The following NAA11 variants were observed in gnomAD, a reference collection of about 807,000 sequenced individuals.
The protein encoded by NAA11 is N-alpha-acetyltransferase 11, NatA catalytic subunit.
NAA11 carries 15 observed loss-of-function variants against 16.1 expected under a neutral mutation model. That is an observed-to-expected ratio of 0.93 (90% CI 0.62 to 1.44). NAA11 has a LOEUF of 1.44. NAA11 is among the 40% of genes most tolerant of loss of function. The pLI is 0.00. For synonymous variants in NAA11, 122 were observed against 112.4 expected (o/e 1.09, Z -0.54); for missense variants, 298 against 291.3 (o/e 1.02, Z -0.17).
the NAA11 span, among the ~76,000 whole-genome samples, chr4:79,178,487 A>G: frequency 6.6e-6 from 1 of 152,218 alleles, no homozygotes; most frequent in African/African-American, 2.4e-5. Context: ...CTTTGGAGAT[A>G]TATATTAGGA....
chr4:79,219,231 T>G, the NAA11 span, among the ~76,000 whole-genome samples: 3 of 152,174 alleles, frequency 2.0e-5, no homozygotes, highest in Non-Finnish European at 4.4e-5. Flanking sequence ...CTTGGTCGAT[T>G]GGATGAGGGT....
intron 1 of NAA11, among the ~76,000 whole-genome samples, chr4:79,324,561 AC>A (rs1316869415): frequency 6.6e-6 from 1 of 152,218 alleles, no homozygotes; most frequent in Non-Finnish European, 1.5e-5. Flanking sequence ...GTATAGTTTA[AC>A]AAGTCCCTCT....
chr4:79,322,621 T>C (rs2110018206), intron 1 of NAA11, among the ~76,000 whole-genome samples: 1 of 152,264 alleles, frequency 6.6e-6, no homozygotes, highest in East Asian at 1.9e-4. Flanking sequence ...TGTAAGTCCT[T>C]CTACGAAGGA....
intron 2 of NAA11, among the ~76,000 whole-genome samples, chr4:79,263,375 A>G (rs1324665554): frequency 1.3e-5 from 2 of 152,180 alleles, no homozygotes; most frequent in African/African-American, 4.8e-5. Context: ...GACCTAGTGC[A>G]TGCTCAAGAA....
the NAA11 span, among the ~76,000 whole-genome samples, chr4:79,219,435 T>C: frequency 1.3e-5 from 2 of 152,198 alleles, no homozygotes; most frequent in East Asian, 3.8e-4. Flanking sequence ...TATTGGCTTA[T>C]AGAAAGCTGT....
chr4:79,312,521 C>G (rs1303147334), downstream of NAA11, among the ~76,000 whole-genome samples: 1 of 151,686 alleles, frequency 6.6e-6, no homozygotes, highest in Non-Finnish European at 1.5e-5. Context: ...CGTCGTGGCA[C>G]ATACCTGTAG....
chr4:79,263,762 A>G (rs1722286526), intron 2 of NAA11, among the ~76,000 whole-genome samples: 1 of 152,046 alleles, frequency 6.6e-6, no homozygotes, highest in African/African-American at 2.4e-5. Context: ...TAGTCAATTT[A>G]TACTCTCACT....
chr4:79,202,155 CAT>C, the NAA11 span, among the ~76,000 whole-genome samples: 1 of 151,496 alleles, frequency 6.6e-6, no homozygotes, highest in Non-Finnish European at 1.5e-5. Context: ...TTAGATTCTG[CAT>C]ATGAGTCAGA....
the NAA11 span, among the ~76,000 whole-genome samples, chr4:79,207,639 C>A: frequency 6.6e-6 from 1 of 152,090 alleles, no homozygotes; most frequent in East Asian, 1.9e-4. Context: ...GCAGCCTGAG[C>A]AGACTAATAC....
the NAA11 span, among the ~76,000 whole-genome samples, chr4:79,159,733 C>G: frequency 1.3e-5 from 2 of 151,298 alleles, no homozygotes; most frequent in African/African-American, 4.9e-5. Context: ...TCTTTGAAAA[C>G]CATGAATCTA....
At chr4:79,214,353 AC>A in the NAA11 span, among the ~76,000 whole-genome samples, 1 of 151,978 alleles carries the variant, frequency 6.6e-6, no homozygotes, top group Admixed American at 6.6e-5. Context: ...TGAATGAACC[AC>A]CCCCTGGCCC....
intron 2 of NAA11, among the ~76,000 whole-genome samples, chr4:79,246,216 A>G (rs1721819447): frequency 6.6e-6 from 1 of 152,096 alleles, no homozygotes; most frequent in African/African-American, 2.4e-5. Flanking sequence ...AATCTCAAGT[A>G]CCCAGGGACA....
At chr4:79,190,023 A>G in the NAA11 span, among the ~76,000 whole-genome samples, 1 of 152,302 alleles carries the variant, frequency 6.6e-6, no homozygotes, top group South Asian at 2.1e-4. Context: ...TAGCAAAACA[A>G]AAACAAAAAA....
At chr4:79,272,292 T>C (rs928205907) in intron 2 of NAA11, among the ~76,000 whole-genome samples, 3 of 152,076 alleles carry the variant, frequency 2.0e-5, no homozygotes, top group Admixed American at 2.0e-4. Flanking sequence ...TTTGTACAGT[T>C]TTCCAAACTT....
intron 2 of NAA11, among the ~76,000 whole-genome samples, chr4:79,256,028 G>C (rs1320871620): frequency 6.6e-6 from 1 of 152,078 alleles, no homozygotes; most frequent in African/African-American, 2.4e-5. Flanking sequence ...CTTCCACCAG[G>C]GCCCTAATTT....
the NAA11 span, among the ~76,000 whole-genome samples, chr4:79,214,044 C>G: frequency 6.6e-6 from 1 of 152,076 alleles, no homozygotes; most frequent in East Asian, 1.9e-4. Context: ...TTAAATTAAC[C>G]ATAGTGGGAT....
the NAA11 span, among the ~76,000 whole-genome samples, chr4:79,209,732 C>A: frequency 1.3e-5 from 2 of 152,130 alleles, no homozygotes; most frequent in Admixed American, 6.6e-5. Flanking sequence ...TAACTGAACC[C>A]TCAATAACCC....
the NAA11 span, among the ~76,000 whole-genome samples, chr4:79,214,799 A>C: frequency 1.3e-5 from 2 of 152,200 alleles, no homozygotes; most frequent in East Asian, 3.9e-4. Context: ...CTCCATCTAA[A>C]AAAAAATAAA....
rs574198861 is a variant in NAA11 at position 79,281,898 on chromosome 4, C to A, written c.*122+12107G>T. ...AAAACAAAACAAAATAGAACAACAA[C>A]AACAAAATAAGGCAGGTTGGACAAG... On this transcript the variant is annotated intron_variant and NMD_transcript_variant, in intron 2 of 2. Transcript: ENST00000511542. 6.6e-5 allele frequency among the ~76,000 whole-genome samples: 10 copies of A among 152,198 alleles called. No individual in the cohort carries two copies. In the East Asian group the frequency reaches 1.7e-3, roughly 26 times the overall value.
Sources: allele counts gnomAD v4.1 joint callset (sites outside exome capture counted in the v4.1 genomes callset), GRCh38; gene constraint gnomAD v4.1.1; transcripts MANE v1.5; gene names NCBI Gene and HGNC (gene_info 2026-07-23, HGNC 2026-07-21).